SLC24A5: variants seen among roughly 807,000 people sequenced by gnomAD.
The protein encoded by SLC24A5 is sodium/potassium/calcium exchanger 5.
In SLC24A5, 46 loss-of-function variants were observed where a neutral mutation model predicts 51.6. The observed-to-expected ratio is 0.89, with a 90% CI of 0.70 to 1.14. SLC24A5 has a LOEUF of 1.14. Ranked by LOEUF, SLC24A5 falls within the 50% of genes most tolerant of loss-of-function variation. The pLI is 0.00. For missense variants in SLC24A5, 581 were observed against 604.1 expected, an observed-to-expected ratio of 0.96 and a Z score of 0.40; for synonymous variants, 230 against 214.9, an observed-to-expected ratio of 1.07 and a Z score of -0.62.
intron 2 of SLC24A5, among the ~76,000 whole-genome samples, chr15:48,125,950 G>A (rs1168285879): frequency 6.6e-6 from 1 of 152,128 alleles, no homozygotes; most frequent in African/African-American, 2.4e-5. Flanking sequence ...GCCAACAGCA[G>A]GATCTTTAGC....
In SLC24A5 at chr15:48,138,968, G is replaced by A; in HGVS notation, c.872-1G>A. ...AAAAGTGTTTACTTTTTCCACAACA[G>A]ATCCACCAAGTGTTTTCAACATGCC... is the stretch of plus-strand genomic sequence containing the variant. On this transcript the variant is annotated splice_acceptor_variant, in intron 6 of 8. Transcript: ENST00000341459. LOFTEE classifies it high-confidence loss of function. 6.2e-7 allele frequency: 1 copy of A among 1,608,934 alleles called. No individual in the cohort carries two copies. Among genetic ancestry groups the A allele is most frequent in the Non-Finnish European group, 8.5e-7 (1 of 1,177,564 alleles).
intron 2 of SLC24A5, among the ~76,000 whole-genome samples, chr15:48,130,757 G>T (rs1375135667): frequency 6.6e-6 from 1 of 151,936 alleles, no homozygotes; most frequent in Non-Finnish European, 1.5e-5. Flanking sequence ...AAGTATTCTT[G>T]GCTCTCGGTA....
intron 2 of SLC24A5, among the ~76,000 whole-genome samples, chr15:48,133,563 A>C (rs1379387507): frequency 1.3e-5 from 2 of 152,122 alleles, no homozygotes; most frequent in Non-Finnish European, 2.9e-5. Context: ...AAATTTTAAT[A>C]GATCCATGTT....
Position 48,134,352 on chromosome 15 carries a change from C to G in SLC24A5, c.385+11C>G, listed in dbSNP as rs1025546153. The G allele has an allele frequency of 1.2e-6, 2 of 1,612,902 alleles. No homozygotes were observed. Among genetic ancestry groups the G allele is most frequent in the South Asian group, 1.1e-5 (1 of 91,038 alleles). ...TTACTGCTTTCCTAGGTAAATATTGCTCCTTATACTTCTTGCTTACTCAGT... is the reference window on the plus strand; with the variant it reads ...TTACTGCTTTCCTAGGTAAATATTGGTCCTTATACTTCTTGCTTACTCAGT... On this transcript the variant is annotated intron_variant, in intron 3 of 8. Transcript: ENST00000341459.
intron 2 of SLC24A5, among the ~76,000 whole-genome samples, chr15:48,125,306 T>C (rs891078000): frequency 6.7e-5 from 10 of 150,194 alleles, no homozygotes; most frequent in Non-Finnish European, 1.2e-4. Flanking sequence ...TATATATATA[T>C]GGTTTCACTT....
Position 48,142,330 on chromosome 15 carries a change from A to G in SLC24A5, c.1482A>G (p.Lys494=). 1 of 1,606,348 alleles carries G rather than the reference A, an allele frequency of 6.2e-7. No homozygotes were observed. Among genetic ancestry groups the G allele is most frequent in the South Asian group, 1.1e-5 (1 of 90,286 alleles). The change falls in exon 9 of 9, where the codon AAA becomes AAG. Residue 494 remains lysine, a synonymous_variant. Transcript: ENST00000341459. ...LYELGIIGNN[K]IRGCGG ...AACTTGGAATTATTGGAAATAATAA[A>G]ATAAGGGGCTGTGGAGGTTGATATT...
At chr15:48,125,653 G>C (rs1180789699) in intron 2 of SLC24A5, among the ~76,000 whole-genome samples, 1 of 152,086 alleles carries the variant, frequency 6.6e-6, no homozygotes, top group Non-Finnish European at 1.5e-5. Flanking sequence ...AAAATAAAGA[G>C]AATACATTGA....
intron 2 of SLC24A5, among the ~76,000 whole-genome samples, chr15:48,125,473 C>T (rs1269029118): frequency 6.6e-6 from 1 of 152,008 alleles, no homozygotes; most frequent in Non-Finnish European, 1.5e-5. Flanking sequence ...ATCTCAACTG[C>T]TACATGATAA....
Position 48,139,039 on chromosome 15 carries a change from TATTAC to T in SLC24A5, c.948_952del (p.Leu317PhefsTer8). ...TTTTTTGGGTATTATCCCTTCCTAT[TATTAC>T]ATTACTTTTTCTAACCACACCAGAT... On this transcript the variant is annotated frameshift_variant, in exon 7 of 9. Coordinates refer to ENST00000341459, the MANE Select transcript of SLC24A5 (RefSeq NM_205850.3). LOFTEE classifies it high-confidence loss of function. 6.2e-7 allele frequency: 1 copy of T among 1,613,164 alleles called. No individual in the cohort carries two copies. The highest frequency in any genetic ancestry group is 1.7e-4 in the Middle Eastern group (1 of 6,054).
intron 2 of SLC24A5, chr15:48,124,291 T>C (rs948933266): frequency 1.3e-5 from 2 of 152,116 alleles, no homozygotes; most frequent in Non-Finnish European, 2.9e-5. Flanking sequence ...TGTCTTGCTA[T>C]AGGATGTAAT....
In SLC24A5 at chr15:48,121,872, G is replaced by A. The variant is rs779568120; in HGVS notation, c.137G>A (p.Cys46Tyr). 1.2e-6 allele frequency: 2 copies of A among 1,614,106 alleles called. No homozygotes were observed. Among genetic ancestry groups the A allele is most frequent in the Non-Finnish European group, 1.7e-6 (2 of 1,180,008 alleles). ...TCCTTAACAGGAAATAGCACCCAAT[G>A]TGTTATTTCTCCATCATCGGAGTTT... ...LPRATGNSTQ[C>Y]VISPSSEFPE... Residue 46 changes from cysteine (C) to tyrosine (Y), a missense_variant, in exon 2 of 9, where the codon TGT becomes TAT. Physicochemically the swap from Cys to Tyr is radical, Grantham distance 194. Transcript: ENST00000341459.
At chr15:48,123,975 G>A (rs1004367171) in intron 2 of SLC24A5, 1 of 151,794 alleles carries the variant, frequency 6.6e-6, no homozygotes, top group Admixed American at 6.6e-5. Context: ...TATTATATCA[G>A]GGGTATTCTG....
intron 2 of SLC24A5, among the ~76,000 whole-genome samples, chr15:48,128,168 G>T (rs918024745): frequency 2.0e-5 from 3 of 151,740 alleles, no homozygotes; most frequent in Non-Finnish European, 4.4e-5. Flanking sequence ...TTCTGGGCAG[G>T]TTTCTTTATA....
intron 5 of SLC24A5, chr15:48,135,443 T>C (rs2038872455): frequency 6.5e-6 from 1 of 152,838 alleles, no homozygotes; most frequent in South Asian, 2.0e-4. Context: ...CAGGAGAAAC[T>C]ATAGCCTTCC....
chr15:48,131,500 TA>T (rs1054993806), intron 2 of SLC24A5, among the ~76,000 whole-genome samples: 2 of 151,912 alleles, frequency 1.3e-5, no homozygotes, highest in African/African-American at 4.8e-5. Context: ...GCTGGTTGTT[TA>T]AAAGAGCCTG....
intron 8 of SLC24A5, 37 bp from the exon 9 acceptor site, chr15:48,141,992 G>T: frequency 6.9e-7 from 1 of 1,452,306 alleles, no homozygotes. Flanking sequence ...ACACAGTATT[G>T]GTAAGCACAT....
intron 2 of SLC24A5, chr15:48,124,242 G>A (rs1236757128): frequency 6.6e-6 from 1 of 151,838 alleles, no homozygotes; most frequent in East Asian, 1.9e-4. Context: ...TCTACATGCA[G>A]GATTTTTTAA....
At chr15:48,139,350 G>C (rs2038984239) in intron 7 of SLC24A5, 175 bp downstream of exon 7, 1 of 537,820 alleles carries the variant, frequency 1.9e-6, no homozygotes, top group Non-Finnish European at 3.3e-6. Flanking sequence ...GAGTTTGTGA[G>C]TTGCATATTA....
chr15:48,140,444 A>C (rs1230298329), intron 7 of SLC24A5: 1 of 152,218 alleles, frequency 6.6e-6, no homozygotes, highest in Non-Finnish European at 1.5e-5. Flanking sequence ...GAACAGTTAC[A>C]TAACCTTTTG....
Sources: gnomAD v4.1 joint callset for allele counts (sites outside exome capture counted in the v4.1 genomes callset) on GRCh38, gnomAD v4.1.1 for gene constraint, MANE v1.5 for transcripts, NCBI Gene and HGNC (gene_info 2026-07-23, HGNC 2026-07-21) for gene names.